FAT3: variants seen among roughly 807,000 people sequenced by gnomAD.
FAT3 encodes the protein protocadherin Fat 3.
In FAT3, 95 loss-of-function variants were observed where a neutral mutation model predicts 310.2. The observed-to-expected ratio is 0.31, with a 90% CI of 0.26 to 0.36. The LOEUF is 0.36. Ranked by LOEUF, FAT3 falls within the 10% of genes least tolerant of loss-of-function variation. FAT3 has a pLI of 1.00. For missense variants in FAT3, 5,408 were observed against 5,715.6 expected (o/e 0.95, Z 1.74); for synonymous variants, 2,314 against 2,192.9 (o/e 1.06, Z -1.54).
At chr11:92,792,234 C>T (rs947795511) in intron 8 of FAT3, among the ~76,000 whole-genome samples, 1 of 152,210 alleles carries the variant, frequency 6.6e-6, no homozygotes, top group Admixed American at 6.5e-5. Context: ...TCCCACTTGA[C>T]TCTAAGCTTC....
intron 3 of FAT3, among the ~76,000 whole-genome samples, chr11:92,682,416 G>A (rs1388721137): frequency 6.6e-6 from 1 of 152,146 alleles, no homozygotes; most frequent in Non-Finnish European, 1.5e-5. Flanking sequence ...TTTTGAGCAG[G>A]CGCATTACCT....
intron 19 of FAT3, among the ~76,000 whole-genome samples, chr11:92,853,111 G>A (rs1406102783): frequency 6.6e-6 from 1 of 152,192 alleles, no homozygotes; most frequent in Admixed American, 6.5e-5. Flanking sequence ...ACCTGCCAAG[G>A]GCGAGCCAGG....
At chr11:92,871,799 T>A (rs1431664667) in intron 22 of FAT3, among the ~76,000 whole-genome samples, 5 of 151,880 alleles carry the variant, frequency 3.3e-5, no homozygotes, top group Non-Finnish European at 7.4e-5. Context: ...TCTCTATTTT[T>A]AACAAGCCTC....
At chr11:92,811,595 G>T (rs1947674667) in intron 13 of FAT3, among the ~76,000 whole-genome samples, 1 of 152,176 alleles carries the variant, frequency 6.6e-6, no homozygotes, top group Non-Finnish European at 1.5e-5. Flanking sequence ...CAGGTTGGGA[G>T]TTGGGGAGGA....
chr11:92,879,057 A>G (rs930028811), intron 22 of FAT3, among the ~76,000 whole-genome samples: 1 of 151,394 alleles, frequency 6.6e-6, no homozygotes, highest in Non-Finnish European at 1.5e-5. Flanking sequence ...AGAGAGGGGA[A>G]AAAAAAAACA....
chr11:92,551,111 C>A lies in FAT3; in HGVS notation c.3607+26163C>A, dbSNP rs138657838. Among the ~76,000 whole-genome samples the A allele has an allele frequency of 1.9e-3, 285 of 152,090 alleles. 2 individuals are homozygous for A. The highest frequency in any genetic ancestry group is 6.6e-3 in the African/African-American group (273 of 41,482). On this transcript the variant is annotated intron_variant, in intron 3 of 27. Coordinates refer to ENST00000525166, the MANE Select transcript of FAT3 (RefSeq NM_001367949.2). ...TTATTCTTCACAGCCCTGATCTGATCCCTGTGAGGCAGGGCTGAGCTCCAA... is the reference window on the plus strand; with the variant it reads ...TTATTCTTCACAGCCCTGATCTGATACCTGTGAGGCAGGGCTGAGCTCCAA...
At chr11:92,635,854 T>G (rs1484855241) in intron 3 of FAT3, among the ~76,000 whole-genome samples, 1 of 152,250 alleles carries the variant, frequency 6.6e-6, no homozygotes, top group Non-Finnish European at 1.5e-5. Context: ...GAAGTAGCCA[T>G]AATTTCCTTA....
intron 9 of FAT3, among the ~76,000 whole-genome samples, chr11:92,795,739 C>T (rs546450114): frequency 9.9e-5 from 15 of 152,140 alleles, no homozygotes; most frequent in African/African-American, 3.6e-4. Flanking sequence ...GGCAAAACCC[C>T]GTCTCTACAA....
At chr11:92,464,636 A>T (rs192750402) in intron 2 of FAT3, among the ~76,000 whole-genome samples, 21 of 152,328 alleles carry the variant, frequency 1.4e-4, no homozygotes, top group African/African-American at 4.3e-4. Flanking sequence ...ATAATCGTAC[A>T]TTAACTAGTT....
At chr11:92,802,254 A>C (rs891055945) in intron 10 of FAT3, among the ~76,000 whole-genome samples, 3 of 152,176 alleles carry the variant, frequency 2.0e-5, no homozygotes, top group African/African-American at 7.2e-5. Context: ...GTTTTTAAGC[A>C]TGTTCCTTTT....
At chr11:92,681,377 C>T (rs929691712) in intron 3 of FAT3, among the ~76,000 whole-genome samples, 2 of 152,134 alleles carry the variant, frequency 1.3e-5, no homozygotes, top group Admixed American at 6.5e-5. Context: ...ATTAGCCATG[C>T]AGACATCTGG....
At chr11:92,294,057 T>C (rs1670697315) in intron 1 of FAT3, among the ~76,000 whole-genome samples, 1 of 152,064 alleles carries the variant, frequency 6.6e-6, no homozygotes, top group South Asian at 2.1e-4. Context: ...AAACAATGGA[T>C]ATATTTTCTC....
At chr11:92,594,329 G>A (rs1216535865) in intron 3 of FAT3, among the ~76,000 whole-genome samples, 1 of 152,182 alleles carries the variant, frequency 6.6e-6, no homozygotes, top group Non-Finnish European at 1.5e-5. Flanking sequence ...TGTAATCCCA[G>A]CTACTCAGGA....
intron 2 of FAT3, among the ~76,000 whole-genome samples, chr11:92,513,121 CAAA>C (rs752761388): frequency 1.3e-4 from 4 of 31,206 alleles, no homozygotes; most frequent in Non-Finnish European, 5.6e-5. Context: ...GACTCCGTCT[CAAA>C]AAAAAAAAAA....
intron 2 of FAT3, among the ~76,000 whole-genome samples, chr11:92,482,583 C>T (rs1194752183): frequency 6.6e-6 from 1 of 152,214 alleles, no homozygotes; most frequent in Non-Finnish European, 1.5e-5. Flanking sequence ...GGCCCCATCA[C>T]ATGCCAGCAC....
At chr11:92,600,988 A>G (rs1939988793) in intron 3 of FAT3, among the ~76,000 whole-genome samples, 1 of 152,172 alleles carries the variant, frequency 6.6e-6, no homozygotes, top group Admixed American at 6.5e-5. Context: ...GCTGGAGCAA[A>G]CTTACGGACC....
chr11:92,353,994 C>G lies in FAT3; in HGVS notation c.1882C>G (p.Pro628Ala), dbSNP rs1948650921. The change falls in exon 2 of 28, where the codon CCA becomes GCA. Residue 628 changes from proline (P) to alanine (A), a missense_variant. Pro to Ala is a conservative substitution (Grantham distance 27, BLOSUM62 -1). Coordinates refer to ENST00000525166, the MANE Select transcript of FAT3 (RefSeq NM_001367949.2). ...TGAACTTGGCTTCTTTTATTTAAAC[C>G]CAGATTCTGGTGTTTTACAGCTTAA... ...GNELGFFYLN[P>A]DSGVLQLKKS... 6.2e-7 allele frequency: 1 copy of G among 1,612,778 alleles called. No individual in the cohort carries two copies. Among genetic ancestry groups the G allele is most frequent in the Admixed American group, 1.7e-5 (1 of 59,738 alleles).
intron 13 of FAT3, among the ~76,000 whole-genome samples, chr11:92,811,626 C>T (rs1453790565): frequency 4.6e-5 from 7 of 152,052 alleles, no homozygotes; most frequent in Non-Finnish European, 1.0e-4. Flanking sequence ...AGATTCTAGG[C>T]ATTTAACAGG....
At chr11:92,346,087 C>T (rs927073189) in intron 1 of FAT3, among the ~76,000 whole-genome samples, 1 of 152,126 alleles carries the variant, frequency 6.6e-6, no homozygotes, top group Non-Finnish European at 1.5e-5. Context: ...TCTTTTCAGG[C>T]AGCCATTAGC....
Sources: allele counts gnomAD v4.1 joint callset (sites outside exome capture counted in the v4.1 genomes callset), GRCh38; gene constraint gnomAD v4.1.1; transcripts MANE v1.5; gene names NCBI Gene and HGNC (gene_info 2026-07-23, HGNC 2026-07-21).